Variants in RANBP2 observed in about 807,000 individuals in gnomAD.
RANBP2 encodes RAN binding protein 2.
RANBP2 carries 57 observed loss-of-function variants against 303.6 expected under a neutral mutation model. The observed-to-expected ratio is 0.19, with a 90% confidence interval of 0.15 to 0.23. The LOEUF is 0.23. Ranked by LOEUF, RANBP2 falls within the 10% of genes least tolerant of loss-of-function variation. RANBP2 has a pLI of 1.00. For missense variants in RANBP2, 3,138 were observed against 3,780.8 expected (o/e 0.83, Z 4.46); for synonymous variants, 1,167 against 1,301.5 (o/e 0.90, Z 2.23).
chr2:108,787,757 C>T (rs542068037), downstream of RANBP2, among the ~76,000 whole-genome samples: 10 of 151,836 alleles, frequency 6.6e-5, no homozygotes, highest in South Asian at 1.9e-3. Flanking sequence ...ATTGTTTCTC[C>T]GTTTGGGTTT....
the RANBP2 span, among the ~76,000 whole-genome samples, chr2:108,971,862 G>A: frequency 6.6e-6 from 1 of 152,226 alleles, no homozygotes; most frequent in Non-Finnish European, 1.5e-5. Context: ...AAGGGCAGAA[G>A]AGACGGTGCA....
At chr2:109,399,349 A>C in the RANBP2 span, among the ~76,000 whole-genome samples, 7 of 152,238 alleles carry the variant, frequency 4.6e-5, no homozygotes, top group Admixed American at 6.5e-5. Flanking sequence ...AAGAGAAAGA[A>C]GGAGTCAGAG....
At chr2:109,425,981 T>G in the RANBP2 span, among the ~76,000 whole-genome samples, 1 of 152,228 alleles carries the variant, frequency 6.6e-6, no homozygotes, top group Non-Finnish European at 1.5e-5. Context: ...CACTGCAACC[T>G]CCGCCTCCTG....
At chr2:109,336,287 A>G in the RANBP2 span, among the ~76,000 whole-genome samples, 1 of 152,232 alleles carries the variant, frequency 6.6e-6, no homozygotes, top group South Asian at 2.1e-4. Context: ...AGGTAAAATG[A>G]CAACCAAAGA....
chr2:109,259,937 A>G, the RANBP2 span, among the ~76,000 whole-genome samples: 1 of 152,172 alleles, frequency 6.6e-6, no homozygotes, highest in Non-Finnish European at 1.5e-5. Context: ...GGCTCTGCAG[A>G]TGATATCCAT....
In RANBP2 at chr2:108,736,086, G is replaced by A. The variant is rs826577; in HGVS notation, c.637-18G>A. The stretch of plus-strand genomic sequence containing the variant: ...ATTTGATTAAGTTTTGTAACTTACT[G>A]TTCATTCCACAAAATAGGAATATCT... On this transcript the variant is annotated intron_variant, in intron 5 of 28. Coordinates refer to ENST00000283195, the MANE Select transcript of RANBP2 (RefSeq NM_006267.5). The A allele has an allele frequency of 0.26, 401,771 of 1,558,478 alleles. 66,272 individuals carry two copies. Among genetic ancestry groups the A allele is most frequent in the African/African-American group, 0.72 (52,798 of 73,630 alleles).
the RANBP2 span, among the ~76,000 whole-genome samples, chr2:109,007,351 T>C: frequency 6.6e-6 from 1 of 152,246 alleles, no homozygotes; most frequent in East Asian, 1.9e-4. Flanking sequence ...AGTAGTGTGC[T>C]AAAGTTGCTG....
At chr2:108,728,601 GAT>G (rs1694922991) in intron 1 of RANBP2, among the ~76,000 whole-genome samples, 2 of 126,442 alleles carry the variant, frequency 1.6e-5, no homozygotes, top group African/African-American at 5.9e-5. Context: ...TATTTATGAT[GAT>G]GATGATGATG....
At chr2:108,886,143 G>T in the RANBP2 span, among the ~76,000 whole-genome samples, 1 of 152,158 alleles carries the variant, frequency 6.6e-6, no homozygotes, top group Non-Finnish European at 1.5e-5. Context: ...GGGATTGCAG[G>T]ATCCAGTGGT....
At chr2:108,731,661 A>G in intron 4 of RANBP2, 187 bp downstream of exon 4, 1 of 1,146,820 alleles carries the variant, frequency 8.7e-7, no homozygotes, top group South Asian at 1.7e-5. Context: ...GTTATACTTT[A>G]TAAGTGACAT....
chr2:109,159,954 T>C, the RANBP2 span, among the ~76,000 whole-genome samples: 3 of 152,140 alleles, frequency 2.0e-5, no homozygotes, highest in Non-Finnish European at 2.9e-5. Context: ...TATATTACAA[T>C]GTAATAATAA....
the RANBP2 span, among the ~76,000 whole-genome samples, chr2:109,200,989 ACAAAGGGGCAGCAGCAGCAG>A: frequency 6.6e-6 from 1 of 151,950 alleles, no homozygotes; most frequent in Non-Finnish European, 1.5e-5. Flanking sequence ...GCTGCTGGGG[ACAAAGGGGCAGCAGCAGCAG>A]CTAAGTGGCT....
chr2:109,013,131 C>T, the RANBP2 span, among the ~76,000 whole-genome samples: 1 of 152,206 alleles, frequency 6.6e-6, no homozygotes. Flanking sequence ...AGCCCAGTGG[C>T]TGCTTCACAT....
chr2:109,171,572 A>G, the RANBP2 span, among the ~76,000 whole-genome samples: 1 of 152,352 alleles, frequency 6.6e-6, no homozygotes. Flanking sequence ...AACACGGAGC[A>G]CAGGGAGCTA....
At chr2:109,317,912 G>T in the RANBP2 span, among the ~76,000 whole-genome samples, 4,384 of 152,144 alleles carry the variant, frequency 0.029, 219 homozygotes, top group East Asian at 0.2. Flanking sequence ...GCAGCAGCTC[G>T]CTGGCTGCAC....
chr2:108,782,786 C>T lies in RANBP2; in HGVS notation c.9293C>T (p.Ala3098Val), dbSNP rs779190134. The change falls in exon 28 of 29, where the codon GCA becomes GTA. Residue 3098 changes from alanine (A) to valine (V), a missense_variant. This residue lies in a region of RANBP2 where 204 missense variants were observed against 228.4 expected (regional missense o/e 0.89). Coordinates refer to ENST00000283195, the MANE Select transcript of RANBP2 (RefSeq NM_006267.5). ...CCTCGGACTGCTGAGAACTTCAGAG[C>T]ACTATGCACTGGAGAGAAAGGCTTT... is the stretch of plus-strand genomic sequence containing the variant. ...IVPRTAENFR[A>V]LCTGEKGFGF... The T allele has an allele frequency of 1.2e-6, 2 of 1,614,160 alleles. No individual in the cohort carries two copies. The highest frequency in any genetic ancestry group is 1.1e-5 in the South Asian group (1 of 91,086).
chr2:109,474,595 T>C, the RANBP2 span, among the ~76,000 whole-genome samples: 1 of 152,200 alleles, frequency 6.6e-6, no homozygotes, highest in Non-Finnish European at 1.5e-5. Context: ...GCTTCAGACT[T>C]ACCCAGGTTT....
chr2:108,793,395 TAAAAG>T, the RANBP2 span, among the ~76,000 whole-genome samples: 4 of 151,860 alleles, frequency 2.6e-5, no homozygotes, highest in South Asian at 2.1e-4. Context: ...CTCTAATTGT[TAAAAG>T]AAAATAAATT....
At chr2:109,371,942 C>T in the RANBP2 span, among the ~76,000 whole-genome samples, 1 of 152,172 alleles carries the variant, frequency 6.6e-6, no homozygotes, top group Admixed American at 6.5e-5. Flanking sequence ...GGCAGCAGGG[C>T]CCCCTTGTGC....
Sources: allele counts gnomAD v4.1 joint callset (sites outside exome capture counted in the v4.1 genomes callset), GRCh38; gene constraint gnomAD v4.1.1; regional missense constraint gnomAD v4.1.1; transcripts MANE v1.5; gene names NCBI Gene and HGNC (gene_info 2026-07-23, HGNC 2026-07-21).